The following DYRK4 variants were observed in gnomAD, a reference collection of about 807,000 sequenced individuals.
The protein encoded by DYRK4 is dual specificity tyrosine phosphorylation regulated kinase 4, also known as dual specificity tyrosine-phosphorylation-regulated kinase 4.
DYRK4 carries 64 observed loss-of-function variants against 68.3 expected under a neutral mutation model. The observed-to-expected ratio is 0.94, with a 90% CI of 0.77 to 1.15. The LOEUF (loss-of-function observed/expected upper bound fraction) is 1.15. DYRK4 is among the 50% of genes most tolerant of loss of function. The pLI is 0.00. For missense variants in DYRK4, 740 were observed against 764.7 expected (o/e 0.97, Z 0.38); for synonymous variants, 274 against 289.9 (o/e 0.95, Z 0.56).
rs542627251 is a variant in DYRK4, at chr12:4,580,581, G to A, written c.133-8356G>A. On this transcript the variant is annotated intron_variant, in intron 2 of 14. Transcript: ENST00000543431. ...CCAGTTCTTTGTGATGCTCTGCTGA[G>A]CCTAATTGTCTAACTAGTTGCATTC... is the stretch of plus-strand genomic sequence containing the variant. Among the ~76,000 whole-genome samples, 4 of 152,310 alleles carry A rather than the reference G, an allele frequency of 2.6e-5. No individual in the cohort carries two copies. The South Asian group carries it at 6.2e-4, about 24-fold the overall frequency.
rs779385374 is a variant in DYRK4, at chr12:4,610,251, C to A, written c.1457C>A (p.Thr486Asn). 6.3e-7 allele frequency: 1 copy of A among 1,588,512 alleles called. No individual in the cohort carries two copies. The highest frequency in any genetic ancestry group is 8.5e-7 in the Non-Finnish European group (1 of 1,170,002). The change falls in exon 13 of 15, where the codon ACC (threonine) becomes AAC (asparagine). Residue 486 changes from threonine (T) to asparagine (N), a missense_variant. By Grantham distance (65) the Thr-to-Asn change is moderately conservative (BLOSUM62 0). Coordinates refer to ENST00000543431, the MANE Select transcript of DYRK4 (RefSeq NM_001394779.1). Reference sequence around the variant, plus strand: ...ACGATGGTGCTGAAAACCTATGACACCAGCTTCCTGGACTTTCTCAGAAGG... The same window carrying A: ...ACGATGGTGCTGAAAACCTATGACAACAGCTTCCTGGACTTTCTCAGAAGG... ...DLTMVLKTYD[T>N]SFLDFLRRCL...
chr12:4,599,683 A>G (rs933737470), intron 9 of DYRK4, 24 bp from the exon 10 acceptor site: 3 of 1,588,992 alleles, frequency 1.9e-6, no homozygotes, highest in Non-Finnish European at 2.6e-6. Flanking sequence ...CTGTAGCTTG[A>G]CATATGTCTT....
intron 11 of DYRK4, among the ~76,000 whole-genome samples, chr12:4,605,730 T>TTTG (rs1491341260): frequency 1.9e-3 from 14 of 7,540 alleles, no homozygotes; most frequent in Non-Finnish European, 4.8e-3. Context: ...TAGAGCTGGG[T>TTTG]TTTTTTTTTT....
intron 1 of DYRK4, chr12:4,567,309 T>C (rs536924625): frequency 6.6e-6 from 1 of 152,296 alleles, no homozygotes; most frequent in South Asian, 2.1e-4. Context: ...TGGCTAAAGC[T>C]AGAAGCCGAA....
intron 12 of DYRK4, chr12:4,609,932 T>A (rs1297267602): frequency 1.8e-5 from 6 of 326,970 alleles, no homozygotes; most frequent in Non-Finnish European, 3.3e-5. Flanking sequence ...ACATACTGAA[T>A]AGTAGGAAAA....
chr12:4,588,106 C>T (rs558066286), intron 2 of DYRK4, among the ~76,000 whole-genome samples: 1 of 152,334 alleles, frequency 6.6e-6, no homozygotes, highest in South Asian at 2.1e-4. Context: ...GTTGCTCAGG[C>T]TGGAGTGCAG....
At chr12:4,605,219 A>G in intron 11 of DYRK4, 133 bp downstream of exon 11, 1 of 746,596 alleles carries the variant, frequency 1.3e-6, no homozygotes, top group Non-Finnish European at 2.1e-6. Context: ...TATTCCCTAA[A>G]AGGAGTTTTG....
Position 4,610,277 on chromosome 12 carries a change from T to C in DYRK4, c.1483T>C (p.Cys495Arg), listed in dbSNP as rs200748194. 6 of 1,565,674 alleles carry C rather than the reference T, an allele frequency of 3.8e-6. No individual in the cohort carries two copies. The African/African-American group carries it at 8.3e-5, about 22-fold the overall frequency. Reference sequence around the variant, plus strand: ...CAGCTTCCTGGACTTTCTCAGAAGGTGTTTGGTGTGAGTTTGTTGGGACAT... The same window carrying C: ...CAGCTTCCTGGACTTTCTCAGAAGGCGTTTGGTGTGAGTTTGTTGGGACAT... ...DTSFLDFLRR[C>R]LVWEPSLRMT... is the part of the protein sequence containing the mutation. The change falls in exon 13 of 15, where the codon TGT becomes CGT. Residue 495 changes from cysteine (C) to arginine (R), a missense_variant. Transcript: ENST00000543431.
chr12:4,606,871 G>C (rs1163233142), intron 11 of DYRK4, among the ~76,000 whole-genome samples: 1 of 152,188 alleles, frequency 6.6e-6, no homozygotes, highest in Non-Finnish European at 1.5e-5. Context: ...AGGAAAAGAT[G>C]AACAAGTAGG....
chr12:4,582,405 C>T lies in DYRK4; in HGVS notation c.133-6532C>T, dbSNP rs181396887. Among the ~76,000 whole-genome samples the T allele has an allele frequency of 1.6e-3, 238 of 152,264 alleles. 1 individual carries two copies. Among genetic ancestry groups the T allele is most frequent in the African/African-American group, 5.4e-3 (225 of 41,552 alleles). On this transcript the variant is annotated intron_variant, in intron 2 of 14. Transcript: ENST00000543431. ...GTTGCGGTGAGCCGAGATGGCGCCA[C>T]TGCACTCCAGCAATAAGAGCGAAAC... is the stretch of plus-strand genomic sequence containing the variant.
intron 2 of DYRK4, among the ~76,000 whole-genome samples, chr12:4,588,693 T>A (rs564499766): frequency 6.6e-6 from 1 of 152,356 alleles, no homozygotes; most frequent in South Asian, 2.1e-4. Flanking sequence ...TGATTTTTTT[T>A]AAAGCATGAA....
chr12:4,566,258 G>A (rs1944675620), intron 1 of DYRK4, among the ~76,000 whole-genome samples: 1 of 152,304 alleles, frequency 6.6e-6, no homozygotes, highest in African/African-American at 2.4e-5. Context: ...CTTCAGCCCA[G>A]GTTTAGCATA....
intron 1 of DYRK4, among the ~76,000 whole-genome samples, chr12:4,565,531 C>T (rs769918404): frequency 1.3e-5 from 2 of 152,170 alleles, no homozygotes; most frequent in Non-Finnish European, 2.9e-5. Flanking sequence ...CATGATTCCT[C>T]AGCGTTTCCT....
chr12:4,604,910 G>T lies in DYRK4; in HGVS notation c.1127-4G>T. The T allele has an allele frequency of 6.3e-7, 1 of 1,586,394 alleles. No homozygotes were observed. Among genetic ancestry groups the T allele is most frequent in the Non-Finnish European group, 8.6e-7 (1 of 1,163,554 alleles). ...ACGAGGTTTCTCTTACTTTGCCTCC[G>T]CAGTATACACGTACATCCAAAGCCG... On this transcript the variant is annotated splice_region_variant and splice_polypyrimidine_tract_variant and intron_variant, in intron 10 of 14. Coordinates refer to ENST00000543431, the MANE Select transcript of DYRK4 (RefSeq NM_001394779.1).
At chr12:4,580,996 C>T (rs1461545143) in intron 2 of DYRK4, 5 of 399,414 alleles carry the variant, frequency 1.3e-5, no homozygotes, top group African/African-American at 4.2e-5. Flanking sequence ...ATCCAGCGTT[C>T]GGTCCAAGGT....
chr12:4,603,524 G>A (rs1037754908), intron 10 of DYRK4: 72 of 227,096 alleles, frequency 3.2e-4, no homozygotes, highest in Non-Finnish European at 4.4e-5. Context: ...GGGTCACAGA[G>A]ACGGCCAGGG....
chr12:4,592,391 C>G (rs979766993), intron 5 of DYRK4: 1 of 152,216 alleles, frequency 6.6e-6, no homozygotes, highest in African/African-American at 2.4e-5. Flanking sequence ...ATCCTAGTTT[C>G]TTTTCTCTGA....
intron 2 of DYRK4, among the ~76,000 whole-genome samples, chr12:4,571,853 G>T (rs1489430028): frequency 6.6e-6 from 1 of 152,166 alleles, no homozygotes; most frequent in East Asian, 1.9e-4. Context: ...CTCTAGAATG[G>T]ACACTGCACA....
intron 10 of DYRK4, chr12:4,602,050 T>TA (rs1183767874): frequency 2.6e-6 from 1 of 390,180 alleles, no homozygotes; most frequent in Non-Finnish European, 4.7e-6. Context: ...ATTGGAAAGT[T>TA]ATCTGCATGT....
Sources: gnomAD v4.1 joint callset for allele counts (sites outside exome capture counted in the v4.1 genomes callset) on GRCh38, gnomAD v4.1.1 for gene constraint, MANE v1.5 for transcripts, NCBI Gene and HGNC (gene_info 2026-07-23, HGNC 2026-07-21) for gene names.